PTBP3: variants seen among roughly 807,000 people sequenced by gnomAD.
The protein encoded by PTBP3 is polypyrimidine tract binding protein 3.
Under a neutral mutation model 58.7 loss-of-function variants are expected in PTBP3, and 20 were observed. The ratio of observed to expected loss-of-function variants is 0.34; its 90% CI spans 0.24 to 0.50. The LOEUF (loss-of-function observed/expected upper bound fraction) is 0.50, where lower values mean the gene tolerates loss of function less well. Among genes scored for constraint, PTBP3 ranks in the 20% least tolerant of loss-of-function variants. PTBP3 has a pLI of 0.98. For missense variants in PTBP3, 509 were observed against 637.2 expected (o/e 0.80, Z 2.17); for synonymous variants, 185 against 219.8 (o/e 0.84, Z 1.40).
chr9:112,364,425 G>A, the PTBP3 span, among the ~76,000 whole-genome samples: 6 of 152,048 alleles, frequency 3.9e-5, no homozygotes, highest in South Asian at 4.1e-4. Flanking sequence ...TTGGGAAACC[G>A]AGGTGTGTGG....
upstream of PTBP3, among the ~76,000 whole-genome samples, chr9:112,334,131 C>G (rs1830512357): frequency 6.6e-6 from 1 of 151,764 alleles, no homozygotes; most frequent in Non-Finnish European, 1.5e-5. Context: ...CGTCCAGGGA[C>G]CAGCCTCTGG....
intron 7 of PTBP3, among the ~76,000 whole-genome samples, chr9:112,248,989 G>C (rs561492403): frequency 6.6e-6 from 1 of 152,258 alleles, no homozygotes; most frequent in African/African-American, 2.4e-5. Flanking sequence ...AAGACATACA[G>C]GGCAAATAAA....
chr9:112,338,751 C>T, the PTBP3 span, among the ~76,000 whole-genome samples: 2 of 152,226 alleles, frequency 1.3e-5, no homozygotes, highest in African/African-American at 4.8e-5. Context: ...ATGTAAGTGT[C>T]TCCTACATGC....
At chr9:112,247,268 T>TAAATA (rs1444516866) in intron 7 of PTBP3, among the ~76,000 whole-genome samples, 1 of 144,054 alleles carries the variant, frequency 6.9e-6, no homozygotes, top group African/African-American at 2.5e-5. Flanking sequence ...CCTGTTTCAA[T>TAAATA]AATAAATAAA....
At chr9:112,291,532 G>A (rs1337253411) in intron 2 of PTBP3, among the ~76,000 whole-genome samples, 1 of 152,108 alleles carries the variant, frequency 6.6e-6, no homozygotes, top group Non-Finnish European at 1.5e-5. Context: ...TAGACCAATG[G>A]AACAGATTAG....
At chr9:112,324,663 A>ATTT (rs1200475681) in intron 1 of PTBP3, among the ~76,000 whole-genome samples, 83 of 117,790 alleles carry the variant, frequency 7.0e-4, no homozygotes, top group African/African-American at 8.0e-4. Context: ...TTTTTTTTTA[A>ATTT]AAAAAAACAA....
chr9:112,287,044 C>T (rs1828154048), intron 2 of PTBP3, among the ~76,000 whole-genome samples: 1 of 152,248 alleles, frequency 6.6e-6, no homozygotes, highest in South Asian at 2.1e-4. Flanking sequence ...CCCACCCCTG[C>T]CCAGCTCTGG....
chr9:112,246,213 C>T (rs1835870046), intron 7 of PTBP3, among the ~76,000 whole-genome samples: 1 of 151,714 alleles, frequency 6.6e-6, no homozygotes, highest in Admixed American at 6.6e-5. Flanking sequence ...GAACTCCCGA[C>T]CTCAATTGAT....
intron 2 of PTBP3, among the ~76,000 whole-genome samples, chr9:112,295,601 TAAAAAAA>T (rs35276003): frequency 3.2e-5 from 3 of 92,526 alleles, no homozygotes; most frequent in East Asian, 3.1e-4. Flanking sequence ...GTTCTGTTGG[TAAAAAAA>T]AAAAAAAAAA....
intron 2 of PTBP3, among the ~76,000 whole-genome samples, chr9:112,282,610 A>G (rs551485916): frequency 5.3e-5 from 8 of 152,184 alleles, no homozygotes; most frequent in Non-Finnish European, 8.8e-5. Context: ...CCCTTGTGAC[A>G]ACTTCTTTGA....
chr9:112,270,657 T>G (rs1455606525), intron 3 of PTBP3, among the ~76,000 whole-genome samples: 2 of 152,070 alleles, frequency 1.3e-5, no homozygotes, highest in Non-Finnish European at 2.9e-5. Context: ...TACTAAGAAT[T>G]CTCCCCATTC....
At chr9:112,326,827 CTTTGA>C (rs1173616018) in intron 1 of PTBP3, among the ~76,000 whole-genome samples, 7 of 152,114 alleles carry the variant, frequency 4.6e-5, no homozygotes, top group Admixed American at 2.6e-4. Context: ...CAGTCTGACA[CTTTGA>C]TTTATCTGGT....
At chr9:112,229,330 G>A (rs781733417) in intron 10 of PTBP3, among the ~76,000 whole-genome samples, 6 of 152,108 alleles carry the variant, frequency 3.9e-5, no homozygotes, top group Non-Finnish European at 7.4e-5. Context: ...TTGGGAGGCC[G>A]AGGTGGGTGG....
At chr9:112,255,368 T>C (rs551613356) in intron 5 of PTBP3, among the ~76,000 whole-genome samples, 2 of 152,302 alleles carry the variant, frequency 1.3e-5, no homozygotes, top group African/African-American at 4.8e-5. Flanking sequence ...AACAGTAAAA[T>C]TCATGTTATA....
At chr9:112,328,320 T>C (rs1385669801) in intron 1 of PTBP3, among the ~76,000 whole-genome samples, 1 of 152,224 alleles carries the variant, frequency 6.6e-6, no homozygotes, top group Non-Finnish European at 1.5e-5. Flanking sequence ...AGAACAATCT[T>C]AGAGAAATTT....
Position 112,331,126 on chromosome 9 carries a change from C to CACACACA in PTBP3, c.-52+2343_-52+2344insTGTGTGT, listed in dbSNP as rs58593707. Among the ~76,000 whole-genome samples the CACACACA allele has an allele frequency of 7.5e-4, 111 of 147,684 alleles. No individual in the cohort carries two copies. In the East Asian group the frequency reaches 0.012, roughly 16 times the overall value. On this transcript the variant is annotated intron_variant, in intron 1 of 13. Transcript: ENST00000374257. ...ACACACACACACACACACACACACA[C>CACACACA]GAGAGACAGTTGGGATTTGAGGAGG...
the PTBP3 span, among the ~76,000 whole-genome samples, chr9:112,358,637 T>G: frequency 2.6e-5 from 4 of 152,204 alleles, no homozygotes; most frequent in East Asian, 7.7e-4. Context: ...AAGACAAATT[T>G]TAAAACCACT....
intron 2 of PTBP3, 35 bp from the exon 3 acceptor site, chr9:112,276,048 AAC>A: frequency 6.4e-7 from 1 of 1,565,352 alleles, no homozygotes; most frequent in African/African-American, 1.4e-5. Flanking sequence ...AAATTACTGC[AAC>A]TAATTTGGGT....
chr9:112,360,330 T>C, the PTBP3 span, among the ~76,000 whole-genome samples: 39 of 152,142 alleles, frequency 2.6e-4, no homozygotes, highest in Admixed American at 9.8e-4. Context: ...ACTACAAGCA[T>C]GCACCACCAC....
Sources: allele counts gnomAD v4.1 joint callset (sites outside exome capture counted in the v4.1 genomes callset), GRCh38; gene constraint gnomAD v4.1.1; transcripts MANE v1.5; gene names NCBI Gene and HGNC (gene_info 2026-07-23, HGNC 2026-07-21).